SEMA3E: variants seen among roughly 807,000 people sequenced by gnomAD.
SEMA3E encodes the protein semaphorin-3E.
A neutral mutation model predicts 93.6 loss-of-function variants in SEMA3E; 49 were observed. The observed-to-expected ratio is 0.52, with a 90% CI of 0.42 to 0.66. SEMA3E has a LOEUF of 0.66. Among genes scored for constraint, SEMA3E ranks in the 30% least tolerant of loss-of-function variants. The pLI is 0.00. For synonymous variants in SEMA3E, 363 were observed against 330.7 expected, an observed-to-expected ratio of 1.10 and a Z score of -1.06; for missense variants, 906 against 964.8, an observed-to-expected ratio of 0.94 and a Z score of 0.81.
At chr7:83,556,786 G>C (rs1791904521) in intron 1 of SEMA3E, among the ~76,000 whole-genome samples, 1 of 152,190 alleles carries the variant, frequency 6.6e-6, no homozygotes, top group African/African-American at 2.4e-5. Flanking sequence ...TCTGGTCATT[G>C]GGAGGTCATT....
intron 4 of SEMA3E, among the ~76,000 whole-genome samples, chr7:83,439,928 G>A (rs1391674963): frequency 1.3e-5 from 2 of 152,148 alleles, no homozygotes; most frequent in Non-Finnish European, 2.9e-5. Context: ...GGAACCACAT[G>A]ATCAGTGGTA....
intron 5 of SEMA3E, among the ~76,000 whole-genome samples, chr7:83,412,288 T>G (rs550183250): frequency 6.6e-6 from 1 of 152,270 alleles, no homozygotes; most frequent in East Asian, 1.9e-4. Flanking sequence ...AACTATATTT[T>G]TATTGACTCC....
At chr7:83,545,554 A>C in intron 1 of SEMA3E, among the ~76,000 whole-genome samples, 1 of 122,484 alleles carries the variant, frequency 8.2e-6, no homozygotes, top group African/African-American at 4.0e-5. Flanking sequence ...AGAGAAATGA[A>C]AAAAAAAAAA....
intron 1 of SEMA3E, among the ~76,000 whole-genome samples, chr7:83,529,903 C>T (rs925999419): frequency 2.6e-5 from 4 of 152,108 alleles, no homozygotes; most frequent in Non-Finnish European, 5.9e-5. Context: ...ATACTTTCTT[C>T]TCTCCATCTG....
intron 5 of SEMA3E, among the ~76,000 whole-genome samples, chr7:83,411,879 T>C (rs73170283): frequency 0.19 from 28,370 of 152,182 alleles, 3,087 homozygotes; most frequent in Middle Eastern, 0.3. Flanking sequence ...TAGTTTTCTA[T>C]GTCTATGGAG....
chr7:83,441,468 GC>G, intron 4 of SEMA3E, among the ~76,000 whole-genome samples: 1 of 152,284 alleles, frequency 6.6e-6, no homozygotes, highest in East Asian at 1.9e-4. Flanking sequence ...AATAGTTGAT[GC>G]CACTGAAGAA....
chr7:83,398,543 A>T (rs1022261538), intron 11 of SEMA3E, among the ~76,000 whole-genome samples: 2 of 152,230 alleles, frequency 1.3e-5, no homozygotes, highest in African/African-American at 4.8e-5. Context: ...TGCTGAGCAT[A>T]TTATTAACAT....
intron 1 of SEMA3E, among the ~76,000 whole-genome samples, chr7:83,546,055 A>G (rs1791644456): frequency 6.8e-6 from 1 of 147,538 alleles, no homozygotes; most frequent in African/African-American, 2.5e-5. Flanking sequence ...TTATATATGT[A>G]CACATATTAT....
chr7:83,379,724 C>T (rs963550443), intron 16 of SEMA3E, among the ~76,000 whole-genome samples: 5 of 151,878 alleles, frequency 3.3e-5, no homozygotes, highest in African/African-American at 1.2e-4. Context: ...ACTGACTTCA[C>T]AAGCTGTGTA....
intron 1 of SEMA3E, among the ~76,000 whole-genome samples, chr7:83,609,400 G>A (rs1023357400): frequency 2.6e-5 from 4 of 151,960 alleles, no homozygotes; most frequent in African/African-American, 9.7e-5. Context: ...TATGTTTTCA[G>A]AGACAAAGTG....
intron 1 of SEMA3E, among the ~76,000 whole-genome samples, chr7:83,609,093 C>G (rs1482506988): frequency 6.6e-6 from 1 of 152,126 alleles, no homozygotes; most frequent in South Asian, 2.1e-4. Flanking sequence ...ACATACATTT[C>G]ACATCTCTTA....
At chr7:83,569,368 A>G (rs554413837) in intron 1 of SEMA3E, among the ~76,000 whole-genome samples, 1 of 152,174 alleles carries the variant, frequency 6.6e-6, no homozygotes, top group African/African-American at 2.4e-5. Context: ...ACAAAATGAC[A>G]GGATCAAAAT....
chr7:83,537,040 TTC>T (rs139961038), intron 1 of SEMA3E, among the ~76,000 whole-genome samples: 3 of 150,260 alleles, frequency 2.0e-5, no homozygotes, highest in African/African-American at 4.9e-5. Flanking sequence ...TTCTCCCCCC[TTC>T]TCTCTCTCTC....
intron 7 of SEMA3E, 32 bp from the exon 8 acceptor site, chr7:83,406,091 C>T: frequency 1.4e-6 from 2 of 1,467,172 alleles, no homozygotes; most frequent in Non-Finnish European, 1.9e-6. Flanking sequence ...TAAATAGTTA[C>T]CTAAAGAATT....
intron 16 of SEMA3E, among the ~76,000 whole-genome samples, chr7:83,377,460 A>G (rs1407521117): frequency 6.6e-6 from 1 of 151,968 alleles, no homozygotes; most frequent in African/African-American, 2.4e-5. Context: ...TGTAGCCTAA[A>G]AACAGCCACA....
At chr7:83,445,367 GA>G (rs111464407) in intron 4 of SEMA3E, among the ~76,000 whole-genome samples, 86 of 151,942 alleles carry the variant, frequency 5.7e-4, no homozygotes, top group East Asian at 2.9e-3. Flanking sequence ...GAGGTGGATA[GA>G]AAAAAAAGGA....
chr7:83,643,715 C>T (rs1270227043), intron 1 of SEMA3E, among the ~76,000 whole-genome samples: 1 of 152,068 alleles, frequency 6.6e-6, no homozygotes, highest in Non-Finnish European at 1.5e-5. Flanking sequence ...GCAGACTCAA[C>T]AAAACATATT....
intron 1 of SEMA3E, among the ~76,000 whole-genome samples, chr7:83,505,262 T>C (rs1334077685): frequency 6.6e-6 from 1 of 152,118 alleles, no homozygotes; most frequent in Non-Finnish European, 1.5e-5. Context: ...CATTGCAGCT[T>C]ATGTTACAAA....
intron 1 of SEMA3E, among the ~76,000 whole-genome samples, chr7:83,497,543 T>C (rs3801516): frequency 0.32 from 48,039 of 152,090 alleles, 8,171 homozygotes; most frequent in Middle Eastern, 0.48. Context: ...AGAAATTTTC[T>C]TTAACTTTGT....
Sources: allele counts gnomAD v4.1 joint callset (sites outside exome capture counted in the v4.1 genomes callset), GRCh38; gene constraint gnomAD v4.1.1; transcripts MANE v1.5; gene names NCBI Gene and HGNC (gene_info 2026-07-23, HGNC 2026-07-21).